The following SGCZ variants were observed in gnomAD, a reference collection of about 807,000 sequenced individuals.
SGCZ encodes sarcoglycan zeta, also known as zeta-sarcoglycan.
A neutral mutation model predicts 41.3 loss-of-function variants in SGCZ; 40 were observed. The observed-to-expected ratio is 0.97, with a 90% confidence interval of 0.75 to 1.26. SGCZ has a LOEUF of 1.26. Ranked by LOEUF, SGCZ falls within the 50% of genes most tolerant of loss-of-function variation. The probability of loss-of-function intolerance (pLI) is 0.00; values close to 1 mark genes in which losing one functional copy is unlikely to be tolerated. For synonymous variants in SGCZ, 206 were observed against 137.5 expected, an observed-to-expected ratio of 1.50 and a Z score of -3.49; for missense variants, 552 against 369.8, an observed-to-expected ratio of 1.49 and a Z score of -4.04.
At chr8:14,126,865 TCAG>T (rs1224372268) in intron 5 of SGCZ, among the ~76,000 whole-genome samples, 1 of 152,082 alleles carries the variant, frequency 6.6e-6, no homozygotes, top group Non-Finnish European at 1.5e-5. Flanking sequence ...GCCATCATCC[TCAG>T]CAAACTAACA....
rs1342108173 is a variant in SGCZ, at chr8:15,012,660, ATATATATTTAT to A, written c.39+224914_39+224924del. Among the ~76,000 whole-genome samples, 521 of 110,302 alleles carry A rather than the reference ATATATATTTAT, an allele frequency of 4.7e-3. 4 individuals carry two copies. Among genetic ancestry groups the A allele is most frequent in the African/African-American group, 0.021 (503 of 23,964 alleles). The allele number at this position is 110,302 out of a possible 152,430, so 72.4% of individuals were successfully genotyped here. A position where few individuals can be genotyped will look rare whatever the true frequency, so the allele number is the denominator to read the frequency against. ...CATATAAAACTATATATAATATATA[ATATATATTTAT>A]TATATATTTATAATATAAATATAAA... On this transcript the variant is annotated intron_variant, in intron 1 of 7. Transcript: ENST00000382080.
intron 1 of SGCZ, among the ~76,000 whole-genome samples, chr8:14,882,086 G>T (rs1191276792): frequency 2.0e-5 from 3 of 152,204 alleles, no homozygotes; most frequent in African/African-American, 7.2e-5. Context: ...TGTTAAGAGG[G>T]AAATTTATAG....
At chr8:14,622,703 A>C (rs77998946) in intron 1 of SGCZ, among the ~76,000 whole-genome samples, 14,828 of 152,266 alleles carry the variant, frequency 0.097, 768 homozygotes, top group African/African-American at 0.15. Flanking sequence ...ATTAAGGATG[A>C]CACAATGACA....
At chr8:14,746,370 A>T (rs775041081) in intron 1 of SGCZ, among the ~76,000 whole-genome samples, 5,185 of 152,236 alleles carry the variant, frequency 0.034, 298 homozygotes, top group African/African-American at 0.12. Context: ...ATACCTGAAT[A>T]TGCTCAACTA....
chr8:15,196,178 T>G lies in SGCZ; in HGVS notation c.39+41407A>C. ...TCCCAAAGTGCTGGGATTACAGGCG[T>G]GAGCCACCGCGCCCGGCCAGGCTTC... On this transcript the variant is annotated intron_variant, in intron 1 of 7. Coordinates refer to ENST00000382080, the MANE Select transcript of SGCZ (RefSeq NM_139167.4). 1.5e-5 allele frequency among the ~76,000 whole-genome samples: 2 copies of G among 134,052 alleles called. 1 individual carries two copies. Among genetic ancestry groups the G allele is most frequent in the Non-Finnish European group, 3.4e-5 (2 of 59,440 alleles). The allele number at this position is 134,052 out of a possible 152,430, so 87.9% of individuals were successfully genotyped here.
intron 1 of SGCZ, among the ~76,000 whole-genome samples, chr8:14,709,637 T>C (rs1159031347): frequency 2.0e-5 from 3 of 150,940 alleles, no homozygotes; most frequent in Non-Finnish European, 4.4e-5. Context: ...AAATTCAAAA[T>C]AATACAGCAA....
intron 1 of SGCZ, among the ~76,000 whole-genome samples, chr8:14,832,481 C>T (rs574949081): frequency 6.6e-6 from 1 of 151,472 alleles, no homozygotes; most frequent in South Asian, 2.1e-4. Flanking sequence ...ACCACCGTAT[C>T]TAAGAGATGG....
At chr8:15,034,108 C>A (rs1170378703) in intron 1 of SGCZ, among the ~76,000 whole-genome samples, 2 of 152,172 alleles carry the variant, frequency 1.3e-5, no homozygotes, top group African/African-American at 4.8e-5. Context: ...CTTTGAGTAG[C>A]TGACCCCAAA....
chr8:15,141,303 G>A (rs528275048), intron 1 of SGCZ, among the ~76,000 whole-genome samples: 2 of 152,238 alleles, frequency 1.3e-5, no homozygotes, highest in East Asian at 3.9e-4. Context: ...CTTTTTCCTG[G>A]TAAGATCTGT....
At chr8:14,316,187 G>C (rs1801709115) in intron 3 of SGCZ, among the ~76,000 whole-genome samples, 1 of 151,746 alleles carries the variant, frequency 6.6e-6, no homozygotes, top group African/African-American at 2.4e-5. Context: ...TCAATGAATA[G>C]ATTTAATAAA....
chr8:15,101,895 A>T, intron 1 of SGCZ, among the ~76,000 whole-genome samples: 1 of 152,338 alleles, frequency 6.6e-6, no homozygotes, highest in South Asian at 2.1e-4. Context: ...ACTGCACTCC[A>T]GCCTGAGCAA....
At chr8:14,914,136 C>T (rs771154431) in intron 1 of SGCZ, among the ~76,000 whole-genome samples, 6 of 151,688 alleles carry the variant, frequency 4.0e-5, no homozygotes, top group Admixed American at 3.3e-4. Flanking sequence ...GTAAAATTTA[C>T]TTAGAGAAAC....
At chr8:14,808,499 T>C (rs1345764748) in intron 1 of SGCZ, among the ~76,000 whole-genome samples, 1 of 152,144 alleles carries the variant, frequency 6.6e-6, no homozygotes, top group Non-Finnish European at 1.5e-5. Context: ...TCACTGGCCA[T>C]CAGAGAAATG....
At position 14,343,218 on chromosome 8, in the gene SGCZ, G is replaced by C. The variant is rs979492744; in HGVS notation, c.235-19014C>G. ...GGGCCCTCATGGAGAACCTCTGCTA[G>C]TGCAGTCCAGAAGGGAAATGTGGGG... On this transcript the variant is annotated intron_variant, in intron 2 of 7. Transcript: ENST00000382080. Among the ~76,000 whole-genome samples, 31 of 152,356 alleles carry C rather than the reference G, an allele frequency of 2.0e-4. 1 individual carries two copies. Among genetic ancestry groups the C allele is most frequent in the Admixed American group, 2.0e-3 (31 of 15,314 alleles).
intron 7 of SGCZ, among the ~76,000 whole-genome samples, chr8:14,093,327 C>T (rs1234923886): frequency 6.6e-6 from 1 of 152,000 alleles, no homozygotes; most frequent in Non-Finnish European, 1.5e-5. Context: ...TTTTAAGAAA[C>T]GCAAATCAAA....
intron 5 of SGCZ, among the ~76,000 whole-genome samples, chr8:14,149,658 A>G (rs1803636536): frequency 1.3e-5 from 2 of 151,052 alleles, no homozygotes; most frequent in South Asian, 4.2e-4. Flanking sequence ...CTTCATAGGA[A>G]AAAAAAAAAA....
intron 2 of SGCZ, among the ~76,000 whole-genome samples, chr8:14,447,985 G>C (rs1211164371): frequency 4.6e-5 from 7 of 152,168 alleles, no homozygotes; most frequent in Non-Finnish European, 8.8e-5. Context: ...AATGTACATA[G>C]TGGTGAATTT....
At chr8:15,231,162 C>G (rs568080324) in intron 1 of SGCZ, among the ~76,000 whole-genome samples, 2 of 152,304 alleles carry the variant, frequency 1.3e-5, no homozygotes, top group African/African-American at 4.8e-5. Flanking sequence ...ACTTCTAAGG[C>G]TGAAGCTTTA....
At chr8:14,567,948 T>A (rs1334875399) in intron 1 of SGCZ, among the ~76,000 whole-genome samples, 1 of 152,200 alleles carries the variant, frequency 6.6e-6, no homozygotes, top group Non-Finnish European at 1.5e-5. Flanking sequence ...ATGCCGCTTT[T>A]AAGAACTATA....
Sources: allele counts gnomAD v4.1 joint callset (sites outside exome capture counted in the v4.1 genomes callset), GRCh38; gene constraint gnomAD v4.1.1; transcripts MANE v1.5; gene names NCBI Gene and HGNC (gene_info 2026-07-23, HGNC 2026-07-21).